Variants in ERBB4 observed in about 807,000 individuals in gnomAD.
ERBB4 encodes the protein receptor tyrosine-protein kinase erbB-4.
In ERBB4, 42 loss-of-function variants were observed where a neutral mutation model predicts 158.0. The ratio of observed to expected loss-of-function variants is 0.27; its 90% CI spans 0.21 to 0.34. The LOEUF (loss-of-function observed/expected upper bound fraction) is 0.34, where lower values mean the gene tolerates loss of function less well. ERBB4 is among the 10% of genes least tolerant of loss of function. The pLI is 1.00. For synonymous variants in ERBB4, 583 were observed against 558.7 expected (o/e 1.04, Z -0.61); for missense variants, 1,333 against 1,624.1 (o/e 0.82, Z 3.08).
At chr2:212,388,575 T>C (rs1435340339) in intron 1 of ERBB4, among the ~76,000 whole-genome samples, 2 of 151,944 alleles carry the variant, frequency 1.3e-5, no homozygotes, top group Non-Finnish European at 2.9e-5. Context: ...AACATTTTCC[T>C]CCAGAGGGTT....
intron 1 of ERBB4, among the ~76,000 whole-genome samples, chr2:212,381,666 G>C (rs1462935800): frequency 6.6e-6 from 1 of 150,988 alleles, no homozygotes; most frequent in Non-Finnish European, 1.5e-5. Context: ...ATCATATTAT[G>C]ACCAGAAAAA....
intron 22 of ERBB4, among the ~76,000 whole-genome samples, 157 bp from the exon 23 acceptor site, chr2:211,424,458 G>A (rs1162903564): frequency 6.6e-6 from 1 of 150,796 alleles, no homozygotes; most frequent in Non-Finnish European, 1.5e-5. Context: ...TCCATTATGA[G>A]AACCCCAATG....
In ERBB4 at chr2:211,942,330, TTTTATTTATTTA is replaced by T. The variant is rs200095181; in HGVS notation, c.421+5088_421+5099del. Among the ~76,000 whole-genome samples, 435 of 145,826 alleles carry T rather than the reference TTTTATTTATTTA, an allele frequency of 3.0e-3. 4 individuals carry two copies. Among genetic ancestry groups the T allele is most frequent in the South Asian group, 0.024 (108 of 4,560 alleles). ...CATGTTGTAGTTTCTGGATGAAGCA[TTTTATTTATTTA>T]TTTATTTATTTATTTATTTATTTAT... On this transcript the variant is annotated intron_variant, in intron 3 of 27. Transcript: ENST00000342788.
In ERBB4 at chr2:212,286,198, T is replaced by A. The variant is rs547783868; in HGVS notation, c.83-161295A>T. On this transcript the variant is annotated intron_variant, in intron 1 of 27. Transcript: ENST00000342788. ...CAGCTAACTACTATTACATTGGTTC[T>A]TACGGTTTACTGAAGCATTAAACAT... Among the ~76,000 whole-genome samples the A allele has an allele frequency of 1.9e-3, 289 of 152,312 alleles. 1 individual carries two copies. Among genetic ancestry groups the A allele is most frequent in the African/African-American group, 6.6e-3 (274 of 41,588 alleles).
intron 2 of ERBB4, among the ~76,000 whole-genome samples, chr2:211,980,448 T>A (rs2081756991): frequency 6.6e-6 from 1 of 152,190 alleles, no homozygotes; most frequent in South Asian, 2.1e-4. Flanking sequence ...TGATATTTAA[T>A]CAACATGATT....
At chr2:211,676,441 T>C (rs1172570480) in intron 13 of ERBB4, among the ~76,000 whole-genome samples, 2 of 152,190 alleles carry the variant, frequency 1.3e-5, no homozygotes, top group Non-Finnish European at 2.9e-5. Context: ...TTTCTTTTGG[T>C]TAGCTTTCAT....
chr2:211,894,693 C>T (rs1034525708), intron 3 of ERBB4, among the ~76,000 whole-genome samples: 1 of 152,040 alleles, frequency 6.6e-6, no homozygotes, highest in African/African-American at 2.4e-5. Context: ...TGCTGATTGT[C>T]TTATTCAATG....
intron 1 of ERBB4, among the ~76,000 whole-genome samples, chr2:212,277,640 G>T (rs753911193): frequency 2.6e-5 from 4 of 151,604 alleles, no homozygotes; most frequent in African/African-American, 2.4e-5. Context: ...GTGTCCCCTG[G>T]CCACCTCATC....
chr2:211,706,415 C>T (rs1454527455), intron 9 of ERBB4, among the ~76,000 whole-genome samples: 1 of 152,020 alleles, frequency 6.6e-6, no homozygotes, highest in Admixed American at 6.6e-5. Flanking sequence ...AACAGATAGG[C>T]ATATGGCCTA....
At chr2:212,107,907 G>A (rs575725213) in intron 2 of ERBB4, among the ~76,000 whole-genome samples, 12 of 152,242 alleles carry the variant, frequency 7.9e-5, no homozygotes, top group Middle Eastern at 3.4e-3. Flanking sequence ...CCATGATTGT[G>A]AGGCTTCCCC....
At chr2:212,090,276 C>CTAT (rs2078733773) in intron 2 of ERBB4, among the ~76,000 whole-genome samples, 2 of 152,112 alleles carry the variant, frequency 1.3e-5, no homozygotes. Context: ...AATTATAAGC[C>CTAT]TATTATTTGT....
chr2:211,718,796 G>C (rs1367817496), intron 7 of ERBB4, among the ~76,000 whole-genome samples: 2 of 151,752 alleles, frequency 1.3e-5, no homozygotes, highest in Admixed American at 1.3e-4. Flanking sequence ...CTAGGTATCA[G>C]AGTAGAATGA....
chr2:211,657,298 C>A (rs2071252860), intron 16 of ERBB4, among the ~76,000 whole-genome samples: 1 of 151,734 alleles, frequency 6.6e-6, no homozygotes, highest in African/African-American at 2.4e-5. Context: ...TGCCTGAGGT[C>A]AGGAGTTTGA....
chr2:211,917,007 A>G (rs1418899941), intron 3 of ERBB4, among the ~76,000 whole-genome samples: 2 of 152,298 alleles, frequency 1.3e-5, no homozygotes, highest in South Asian at 2.1e-4. Flanking sequence ...CAGGAGACCT[A>G]CAGATTTGAT....
rs185199845 is a variant in ERBB4 at position 212,211,700 on chromosome 2, T to C, written c.83-86797A>G. On this transcript the variant is annotated intron_variant, in intron 1 of 27. Transcript: ENST00000342788. Reference sequence around the variant, plus strand: ...GTGCCATGGTGGTTTGCTGCACCTATTGACCCATCCTCTAAGTTCCCTCCC... The same window carrying C: ...GTGCCATGGTGGTTTGCTGCACCTACTGACCCATCCTCTAAGTTCCCTCCC... 3.2e-3 allele frequency among the ~76,000 whole-genome samples: 486 copies of C among 151,692 alleles called. 2 individuals carry two copies. Among genetic ancestry groups the C allele is most frequent in the African/African-American group, 0.011 (442 of 41,386 alleles).
chr2:211,380,669 C>T lies in ERBB4; in HGVS notation c.*2946G>A, dbSNP rs955948687. 1 of 231,852 alleles carries T rather than the reference C, an allele frequency of 4.3e-6. No individual in the cohort carries two copies. Among genetic ancestry groups the T allele is most frequent in the Non-Finnish European group, 8.5e-6 (1 of 117,318 alleles). The allele number at this position is 231,852 out of a possible 1,614,324, so 14.4% of individuals were successfully genotyped here. A position where few individuals can be genotyped will look rare whatever the true frequency, so the allele number is the denominator to read the frequency against. On this transcript the variant is annotated 3_prime_UTR_variant, in exon 28 of 28. Coordinates refer to ENST00000342788, the MANE Select transcript of ERBB4 (RefSeq NM_005235.3). ...AATAAAACAAAAAACACTCAAACAA[C>T]TGAAGTCAATTATATACTACAGAAA...
At chr2:211,879,247 C>G (rs891303897) in intron 3 of ERBB4, among the ~76,000 whole-genome samples, 5 of 151,220 alleles carry the variant, frequency 3.3e-5, no homozygotes, top group African/African-American at 9.7e-5. Context: ...TTTCCCAAAT[C>G]TAGAAAAACA....
intron 19 of ERBB4, among the ~76,000 whole-genome samples, chr2:211,567,549 A>C (rs755836423): frequency 3.3e-5 from 5 of 152,170 alleles, no homozygotes; most frequent in Non-Finnish European, 5.9e-5. Context: ...AAGTAGAAGA[A>C]AGATTTTGGG....
At chr2:211,783,897 G>T (rs2076095626) in intron 4 of ERBB4, among the ~76,000 whole-genome samples, 1 of 152,138 alleles carries the variant, frequency 6.6e-6, no homozygotes, top group African/African-American at 2.4e-5. Context: ...ATGAGTTAGG[G>T]AGGATTCCCT....
Sources: gnomAD v4.1 joint callset for allele counts (sites outside exome capture counted in the v4.1 genomes callset) on GRCh38, gnomAD v4.1.1 for gene constraint, MANE v1.5 for transcripts, NCBI Gene and HGNC (gene_info 2026-07-23, HGNC 2026-07-21) for gene names.